FAM184B: variants seen among roughly 807,000 people sequenced by gnomAD.
FAM184B encodes family with sequence similarity 184 member B, also known as protein FAM184B.
Under a neutral mutation model 135.9 loss-of-function variants are expected in FAM184B, and 111 were observed. The observed-to-expected ratio is 0.82, with a 90% CI of 0.70 to 0.96. The LOEUF is 0.96. Ranked by LOEUF, FAM184B falls within the 40% of genes least tolerant of loss-of-function variation. The pLI, the probability that FAM184B is intolerant of heterozygous loss-of-function variation, is 0.00. For synonymous variants in FAM184B, 552 were observed against 524.8 expected (o/e 1.05, Z -0.71); for missense variants, 1,375 against 1,323.9 (o/e 1.04, Z -0.60).
At chr4:17,663,315 G>T (rs1335873148) in intron 8 of FAM184B, among the ~76,000 whole-genome samples, 1 of 152,130 alleles carries the variant, frequency 6.6e-6, no homozygotes, top group African/African-American at 2.4e-5. Flanking sequence ...ACATGACAAA[G>T]ATGCCCTCTC....
At chr4:17,641,066 C>T (rs958227285) in intron 13 of FAM184B, among the ~76,000 whole-genome samples, 1 of 152,070 alleles carries the variant, frequency 6.6e-6, no homozygotes, top group Non-Finnish European at 1.5e-5. Flanking sequence ...CCCGAGTAGC[C>T]GGGACTGCAG....
At chr4:17,703,902 G>T (rs1205613876) in intron 5 of FAM184B, among the ~76,000 whole-genome samples, 1 of 149,730 alleles carries the variant, frequency 6.7e-6, no homozygotes, top group African/African-American at 2.5e-5. Flanking sequence ...CTGCACTCCA[G>T]CCTGGTGACA....
At chr4:17,778,154 A>G (rs1718968650) in intron 1 of FAM184B, among the ~76,000 whole-genome samples, 1 of 152,162 alleles carries the variant, frequency 6.6e-6, no homozygotes, top group South Asian at 2.1e-4. Flanking sequence ...AACCTGCTGG[A>G]CAGTAAAAAT....
rs1445970908 is a variant in FAM184B, at chr4:17,639,327, C to T, written c.2589G>A (p.Lys863=). Residue 863 remains lysine (K), a synonymous_variant, in exon 14 of 18, where the codon AAG becomes AAA. Transcript: ENST00000265018. ...AATCTGCCACCATGGCCTGCATCTCCTTCCGGTGTTCCTGGCGCAGTGTCT... is the reference window on the plus strand; with the variant it reads ...AATCTGCCACCATGGCCTGCATCTCTTTCCGGTGTTCCTGGCGCAGTGTCT... ...EVETLRQEHR[K]EMQAMVADFS... is the part of the protein sequence containing the mutation. 8 of 1,551,788 alleles carry T rather than the reference C, an allele frequency of 5.2e-6. No homozygotes were observed. Among genetic ancestry groups the T allele is most frequent in the Non-Finnish European group, 7.0e-6 (8 of 1,147,010 alleles).
intron 7 of FAM184B, among the ~76,000 whole-genome samples, chr4:17,666,469 C>CTTTTTTTTTTTTTTTTTTTTTTTT (rs386399397): frequency 8.7e-5 from 5 of 57,160 alleles, no homozygotes; most frequent in Non-Finnish European, 1.5e-4. Flanking sequence ...GTGCCTGGTT[C>CTTTTTTTTTTTTTTTTTTTTTTTT]TTTTTTTTTT....
At chr4:17,657,768 T>C (rs986375080) in intron 10 of FAM184B, among the ~76,000 whole-genome samples, 73 of 151,610 alleles carry the variant, frequency 4.8e-4, no homozygotes, top group African/African-American at 1.5e-3. Context: ...GCAATTTTCC[T>C]GCCTCAGCCT....
intron 1 of FAM184B, among the ~76,000 whole-genome samples, chr4:17,734,286 C>T (rs1427747031): frequency 1.3e-5 from 2 of 152,164 alleles, no homozygotes; most frequent in Non-Finnish European, 1.5e-5. Flanking sequence ...GACTTCATGT[C>T]TAAAACACCA....
chr4:17,726,213 C>T (rs1015188731), intron 1 of FAM184B, among the ~76,000 whole-genome samples: 3 of 152,012 alleles, frequency 2.0e-5, no homozygotes, highest in East Asian at 1.9e-4. Context: ...TGTGAGCCAC[C>T]GTGCCCGGCC....
intron 5 of FAM184B, among the ~76,000 whole-genome samples, chr4:17,699,673 C>T (rs145277249): frequency 3.3e-5 from 5 of 152,118 alleles, no homozygotes; most frequent in African/African-American, 7.2e-5. Context: ...AGTTGACACA[C>T]GCTACAAGAA....
chr4:17,715,164 A>C (rs1717379550), intron 1 of FAM184B, among the ~76,000 whole-genome samples: 1 of 152,034 alleles, frequency 6.6e-6, no homozygotes, highest in African/African-American at 2.4e-5. Context: ...AGACCATGCT[A>C]TTTCTGTACA....
intron 1 of FAM184B, among the ~76,000 whole-genome samples, chr4:17,727,137 A>G (rs1481923510): frequency 1.3e-5 from 2 of 152,188 alleles, no homozygotes; most frequent in African/African-American, 4.8e-5. Context: ...TAAACTCAGT[A>G]TGACTCACTG....
In FAM184B at chr4:17,646,653, A is replaced by G. The variant is rs184844283; in HGVS notation, c.2346+984T>C. Among the ~76,000 whole-genome samples the G allele has an allele frequency of 4.1e-3, 627 of 152,260 alleles. 4 individuals are homozygous for G. Among genetic ancestry groups the G allele is most frequent in the African/African-American group, 0.015 (608 of 41,550 alleles). ...TAAATGACGAGTTAATGGGTGCAGCACACCAACATGGCACATGCACACATA... is the reference window on the plus strand; with the variant it reads ...TAAATGACGAGTTAATGGGTGCAGCGCACCAACATGGCACATGCACACATA... On this transcript the variant is annotated intron_variant, in intron 12 of 17. Coordinates refer to ENST00000265018, the MANE Select transcript of FAM184B (RefSeq NM_015688.2).
intron 1 of FAM184B, among the ~76,000 whole-genome samples, chr4:17,718,939 G>A (rs1406137436): frequency 6.6e-6 from 1 of 152,222 alleles, no homozygotes; most frequent in African/African-American, 2.4e-5. Flanking sequence ...AGAAAAGAAA[G>A]CCAATTAGTA....
intron 1 of FAM184B, among the ~76,000 whole-genome samples, chr4:17,712,921 G>T (rs999303465): frequency 8.5e-5 from 13 of 152,206 alleles, no homozygotes; most frequent in Non-Finnish European, 1.8e-4. Flanking sequence ...TCGACGGCCA[G>T]ATGGCACCAC....
At chr4:17,677,686 C>T (rs571852150) in intron 7 of FAM184B, among the ~76,000 whole-genome samples, 67 of 152,006 alleles carry the variant, frequency 4.4e-4, no homozygotes, top group Non-Finnish European at 7.8e-4. Flanking sequence ...CCAATATCAC[C>T]CTAATACCAA....
chr4:17,708,345 G>A (rs1271929257), intron 2 of FAM184B, among the ~76,000 whole-genome samples: 2 of 151,912 alleles, frequency 1.3e-5, no homozygotes, highest in Non-Finnish European at 2.9e-5. Context: ...GATAGTCAGT[G>A]TTCAATAAAT....
intron 5 of FAM184B, among the ~76,000 whole-genome samples, chr4:17,696,750 C>T (rs1716873425): frequency 6.6e-6 from 1 of 151,914 alleles, no homozygotes; most frequent in Non-Finnish European, 1.5e-5. Context: ...GAGTTCGAGG[C>T]TGCAGTGAGC....
At chr4:17,670,586 G>A (rs1330865317) in intron 7 of FAM184B, among the ~76,000 whole-genome samples, 2 of 152,190 alleles carry the variant, frequency 1.3e-5, no homozygotes, top group Admixed American at 6.5e-5. Context: ...GGAGAGGACT[G>A]AAAACACTAA....
intron 1 of FAM184B, among the ~76,000 whole-genome samples, chr4:17,734,236 A>G: frequency 6.6e-6 from 1 of 152,164 alleles, no homozygotes; most frequent in African/African-American, 2.4e-5. Flanking sequence ...CCCTAGAAGA[A>G]AACCTAGGCA....
Sources: allele counts gnomAD v4.1 joint callset (sites outside exome capture counted in the v4.1 genomes callset), GRCh38; gene constraint gnomAD v4.1.1; transcripts MANE v1.5; gene names NCBI Gene and HGNC (gene_info 2026-07-23, HGNC 2026-07-21).